Variants in AKT3 observed in about 807,000 individuals in gnomAD.
The protein encoded by AKT3 is AKT serine/threonine kinase 3.
In AKT3, 15 loss-of-function variants were observed where a neutral mutation model predicts 65.3. That is an observed-to-expected ratio of 0.23 (90% confidence interval 0.15 to 0.35). AKT3 has a LOEUF of 0.35. Among genes scored for constraint, AKT3 ranks in the 10% least tolerant of loss-of-function variants. The probability of loss-of-function intolerance (pLI) is 1.00; values close to 1 mark genes in which losing one functional copy is unlikely to be tolerated. For synonymous variants in AKT3, 206 were observed against 183.8 expected, an observed-to-expected ratio of 1.12 and a Z score of -0.98; for missense variants, 243 against 576.5, an observed-to-expected ratio of 0.42 and a Z score of 5.92.
At chr1:243,794,169 G>T (rs1168814499) in intron 2 of AKT3, 1 of 152,268 alleles carries the variant, frequency 6.6e-6, no homozygotes, top group Non-Finnish European at 1.5e-5. Context: ...AATTAGCTGG[G>T]ACTACAGGCG....
At chr1:243,589,303 T>A (rs566367417) in intron 8 of AKT3, among the ~76,000 whole-genome samples, 4 of 59,954 alleles carry the variant, frequency 6.7e-5, no homozygotes, top group Admixed American at 2.3e-4. Flanking sequence ...CAAAACTCCA[T>A]CTCAAAAAAA....
At chr1:243,697,831 T>C (rs940816931) in intron 2 of AKT3, among the ~76,000 whole-genome samples, 3 of 152,040 alleles carry the variant, frequency 2.0e-5, no homozygotes, top group Non-Finnish European at 4.4e-5. Flanking sequence ...TTGTTTTCCT[T>C]GAGGTGATAA....
intron 2 of AKT3, among the ~76,000 whole-genome samples, chr1:243,749,509 C>A (rs550132604): frequency 6.6e-6 from 1 of 152,198 alleles, no homozygotes; most frequent in African/African-American, 2.4e-5. Context: ...TTCAGAATAC[C>A]CCCTTTACTT....
At chr1:243,806,575 G>A (rs901022029) in intron 2 of AKT3, among the ~76,000 whole-genome samples, 1 of 151,962 alleles carries the variant, frequency 6.6e-6, no homozygotes, top group Admixed American at 6.6e-5. Flanking sequence ...CTTCTTAAAT[G>A]GGTAAGTACT....
At chr1:243,712,011 CA>C (rs1409422571) in intron 2 of AKT3, among the ~76,000 whole-genome samples, 1 of 152,170 alleles carries the variant, frequency 6.6e-6, no homozygotes, top group Non-Finnish European at 1.5e-5. Context: ...TTTTCCCAGT[CA>C]CTCATTAATA....
chr1:243,672,299 C>T (rs1200609450), intron 3 of AKT3, among the ~76,000 whole-genome samples: 1 of 152,210 alleles, frequency 6.6e-6, no homozygotes, highest in Admixed American at 6.5e-5. Flanking sequence ...TCTTTCACTG[C>T]TGGCTCTCAC....
At chr1:243,742,961 T>G (rs1011920537) in intron 2 of AKT3, among the ~76,000 whole-genome samples, 1 of 152,034 alleles carries the variant, frequency 6.6e-6, no homozygotes, top group South Asian at 2.1e-4. Flanking sequence ...CTTTAGAACA[T>G]GTACATGTTC....
chr1:243,605,186 T>A (rs755422097), intron 8 of AKT3, among the ~76,000 whole-genome samples: 2 of 151,772 alleles, frequency 1.3e-5, no homozygotes, highest in Non-Finnish European at 2.9e-5. Flanking sequence ...CACATCACCA[T>A]ACATGGCTAA....
At chr1:243,698,367 T>G (rs1287634264) in intron 2 of AKT3, among the ~76,000 whole-genome samples, 1 of 152,052 alleles carries the variant, frequency 6.6e-6, no homozygotes, top group Non-Finnish European at 1.5e-5. Context: ...TAACACCATT[T>G]CTTCTTCTTT....
intron 8 of AKT3, among the ~76,000 whole-genome samples, chr1:243,604,481 G>A (rs1238984746): frequency 6.6e-6 from 1 of 152,148 alleles, no homozygotes; most frequent in Non-Finnish European, 1.5e-5. Context: ...TATTCGGTGG[G>A]TGGGGGAACC....
intron 2 of AKT3, among the ~76,000 whole-genome samples, chr1:243,796,578 T>C (rs937633048): frequency 6.6e-6 from 1 of 152,210 alleles, no homozygotes; most frequent in African/African-American, 2.4e-5. Flanking sequence ...TTTAATACCA[T>C]TCTTTCCAGG....
At chr1:243,712,130 T>C (rs551446304) in intron 2 of AKT3, among the ~76,000 whole-genome samples, 1 of 152,336 alleles carries the variant, frequency 6.6e-6, no homozygotes, top group South Asian at 2.1e-4. Flanking sequence ...TAGGATTGAC[T>C]ATGAAACTGT....
chr1:243,568,221 C>T (rs1040579335), intron 9 of AKT3, among the ~76,000 whole-genome samples: 5 of 152,122 alleles, frequency 3.3e-5, no homozygotes, highest in African/African-American at 1.2e-4. Flanking sequence ...ATTTATGAAA[C>T]TTTACATGCA....
At chr1:243,747,672 T>C (rs1309685272) in intron 2 of AKT3, among the ~76,000 whole-genome samples, 1 of 152,116 alleles carries the variant, frequency 6.6e-6, no homozygotes. Context: ...GCTTAGTAAA[T>C]AGGTACCTTT....
intron 2 of AKT3, among the ~76,000 whole-genome samples, chr1:243,803,645 TACACACACACACACAC>T (rs72379577): frequency 8.2e-4 from 112 of 136,720 alleles, no homozygotes; most frequent in African/African-American, 2.7e-3. Flanking sequence ...GACGTACATG[TACACACACACACACAC>T]ACACACACAC....
At position 243,790,849 on chromosome 1, in the gene AKT3, TG is replaced by T. The variant is rs59108496; in HGVS notation, c.46+52275del. Among the ~76,000 whole-genome samples, 1,205 of 152,328 alleles carry T rather than the reference TG, an allele frequency of 7.9e-3. 14 individuals are homozygous for T. Among genetic ancestry groups the T allele is most frequent in the African/African-American group, 0.028 (1,144 of 41,570 alleles). On this transcript the variant is annotated intron_variant, in intron 2 of 13. Transcript: ENST00000673466. ...GAGAGACAGGGGTACAGCCAGTTGC[TG>T]GATCATTAAGAACATACACATTTAT...
chr1:243,658,953 G>A (rs571343056), intron 4 of AKT3, among the ~76,000 whole-genome samples: 2 of 151,806 alleles, frequency 1.3e-5, no homozygotes, highest in Admixed American at 1.3e-4. Context: ...GATCCCTTGG[G>A]CCTGAGTTCC....
At chr1:243,721,423 A>G (rs1468963062) in intron 2 of AKT3, among the ~76,000 whole-genome samples, 1 of 152,014 alleles carries the variant, frequency 6.6e-6, no homozygotes, top group Non-Finnish European at 1.5e-5. Context: ...TCCATTTTTC[A>G]CTGAACCTAA....
intron 3 of AKT3, among the ~76,000 whole-genome samples, chr1:243,692,927 CTCAATAATT>C (rs1325621359): frequency 6.6e-6 from 1 of 151,620 alleles, no homozygotes. Flanking sequence ...TAAGTGGTCA[CTCAATAATT>C]TATTATAAGT....
Sources: gnomAD v4.1 joint callset for allele counts (sites outside exome capture counted in the v4.1 genomes callset) on GRCh38, gnomAD v4.1.1 for gene constraint, MANE v1.5 for transcripts, NCBI Gene and HGNC (gene_info 2026-07-23, HGNC 2026-07-21) for gene names.